The following TOX2 variants were observed in gnomAD, a reference collection of about 807,000 sequenced individuals.
TOX2 encodes the protein granulosa cell HMG box 1.
A neutral mutation model predicts 47.4 loss-of-function variants in TOX2; 15 were observed. That is an observed-to-expected ratio of 0.32 (90% CI 0.21 to 0.49). TOX2 has a LOEUF of 0.49. TOX2 is among the 20% of genes least tolerant of loss of function. The pLI is 0.99. For synonymous variants in TOX2, 290 were observed against 296.6 expected, an observed-to-expected ratio of 0.98 and a Z score of 0.23; for missense variants, 622 against 673.1, an observed-to-expected ratio of 0.92 and a Z score of 0.84.
chr20:44,054,733 C>T (rs2071588008), intron 5 of TOX2, among the ~76,000 whole-genome samples: 1 of 152,168 alleles, frequency 6.6e-6, no homozygotes, highest in African/African-American at 2.4e-5. Context: ...GCAACTTAAC[C>T]ACTCTGAACC....
chr20:44,067,975 C>G (rs535034642), intron 8 of TOX2, among the ~76,000 whole-genome samples: 1 of 152,318 alleles, frequency 6.6e-6, no homozygotes, highest in East Asian at 1.9e-4. Context: ...CCTCCCAGCA[C>G]ACGGCTGGTT....
chr20:43,921,276 T>G (rs2069110164), intron 1 of TOX2, among the ~76,000 whole-genome samples: 1 of 152,226 alleles, frequency 6.6e-6, no homozygotes, highest in African/African-American at 2.4e-5. Flanking sequence ...GCTGTGTGGC[T>G]CCTTGCCCCA....
At chr20:44,048,417 T>TATA (rs1388097590) in intron 3 of TOX2, among the ~76,000 whole-genome samples, 4 of 139,600 alleles carry the variant, frequency 2.9e-5, no homozygotes, top group African/African-American at 1.1e-4. Context: ...TATATATGTA[T>TATA]AATTTACCAA....
intron 3 of TOX2, among the ~76,000 whole-genome samples, chr20:44,044,133 T>C (rs1008890498): frequency 1.0e-4 from 2 of 19,086 alleles, no homozygotes; most frequent in African/African-American, 2.4e-4. Context: ...TGTAGGGACA[T>C]GGATGAAGCT....
At chr20:43,984,482 C>T (rs6031273) in intron 2 of TOX2, among the ~76,000 whole-genome samples, 35,882 of 152,132 alleles carry the variant, frequency 0.24, 5,347 homozygotes, top group African/African-American at 0.42. Context: ...CTTATTTTCA[C>T]TGAGAGAAAA....
chr20:44,035,523 C>T (rs984584020), intron 3 of TOX2, among the ~76,000 whole-genome samples: 5 of 152,188 alleles, frequency 3.3e-5, no homozygotes, highest in South Asian at 2.1e-4. Context: ...TGTTCCCCCA[C>T]GACCACCACA....
At chr20:43,995,087 G>C (rs1404419798) in intron 2 of TOX2, among the ~76,000 whole-genome samples, 1 of 151,500 alleles carries the variant, frequency 6.6e-6, no homozygotes, top group Non-Finnish European at 1.5e-5. Context: ...TCTCCTGTTT[G>C]GCTTATATAT....
intron 3 of TOX2, among the ~76,000 whole-genome samples, chr20:44,007,906 A>G (rs184551479): frequency 7.9e-5 from 12 of 152,320 alleles, no homozygotes; most frequent in Admixed American, 6.5e-4. Flanking sequence ...TTCTGTCTCT[A>G]TAAATTTGTC....
At chr20:43,933,195 G>A (rs1219723305) in intron 1 of TOX2, among the ~76,000 whole-genome samples, 1 of 152,216 alleles carries the variant, frequency 6.6e-6, no homozygotes, top group Non-Finnish European at 1.5e-5. Flanking sequence ...GCTCATTTCT[G>A]TAGCTGCAAT....
At position 44,054,537 on chromosome 20, in the gene TOX2, C is replaced by G; in HGVS notation, c.879+11C>G. The G allele has an allele frequency of 6.2e-7, 1 of 1,611,322 alleles. No homozygotes were observed. Among genetic ancestry groups the G allele is most frequent in the Non-Finnish European group, 8.5e-7 (1 of 1,178,550 alleles). ...GAGGAACAGAAGCAGGTGAGCCTCC[C>G]TCTCTTTCTGGGCCATCCCCTGAGG... On this transcript the variant is annotated intron_variant, in intron 5 of 8. Transcript: ENST00000341197.
At chr20:44,004,624 C>G (rs549210167) in intron 2 of TOX2, among the ~76,000 whole-genome samples, 5 of 152,234 alleles carry the variant, frequency 3.3e-5, no homozygotes, top group African/African-American at 9.6e-5. Context: ...TAGGGCTCTC[C>G]CCCATGGAAT....
At chr20:44,051,216 G>C (rs2071503039) in intron 3 of TOX2, 90 bp from the exon 4 acceptor site, 1 of 1,507,860 alleles carries the variant, frequency 6.6e-7, no homozygotes, top group South Asian at 1.3e-5. Context: ...CTTCTCCTCT[G>C]CATTCCCTCC....
At chr20:43,961,291 T>G (rs1418844603) in intron 1 of TOX2, among the ~76,000 whole-genome samples, 1 of 149,200 alleles carries the variant, frequency 6.7e-6, no homozygotes, top group Admixed American at 6.7e-5. Flanking sequence ...TGGGGGAGAG[T>G]GTGATCTGGG....
chr20:44,032,056 T>A (rs28698479), intron 3 of TOX2, among the ~76,000 whole-genome samples: 1 of 152,002 alleles, frequency 6.6e-6, no homozygotes, highest in Non-Finnish European at 1.5e-5. Flanking sequence ...AGAAGCATAA[T>A]GGGATGGGGA....
intron 1 of TOX2, among the ~76,000 whole-genome samples, chr20:43,941,832 G>A (rs1405702577): frequency 3.3e-5 from 5 of 152,174 alleles, no homozygotes; most frequent in African/African-American, 1.2e-4. Context: ...GTCCTTCACA[G>A]AATTGTTTTT....
intron 1 of TOX2, among the ~76,000 whole-genome samples, chr20:43,923,422 G>A (rs1254376211): frequency 6.6e-6 from 1 of 152,206 alleles, no homozygotes; most frequent in Non-Finnish European, 1.5e-5. Flanking sequence ...ATCACCTGGA[G>A]CACAGTTAAA....
intron 4 of TOX2, 75 bp from the exon 5 acceptor site, chr20:44,054,224 C>T (rs2071577202): frequency 7.4e-6 from 11 of 1,492,176 alleles, no homozygotes; most frequent in Non-Finnish European, 1.0e-5. Flanking sequence ...GCAGCTCGGC[C>T]CAAGTCTGTG....
chr20:43,917,264 G>C (rs1364810425), intron 1 of TOX2, among the ~76,000 whole-genome samples: 1 of 149,186 alleles, frequency 6.7e-6, no homozygotes, highest in Non-Finnish European at 1.5e-5. Flanking sequence ...GGTGGTGGTT[G>C]GGGGGTAGGG....
At chr20:43,940,536 T>C (rs371090659) in intron 1 of TOX2, among the ~76,000 whole-genome samples, 1,553 of 151,570 alleles carry the variant, frequency 0.01, 37 homozygotes, top group African/African-American at 0.036. Flanking sequence ...TTTTTTTTTT[T>C]CCCCCAGGAA....
Sources: allele counts gnomAD v4.1 joint callset (sites outside exome capture counted in the v4.1 genomes callset), GRCh38; gene constraint gnomAD v4.1.1; transcripts MANE v1.5; gene names NCBI Gene and HGNC (gene_info 2026-07-23, HGNC 2026-07-21).